The following TUT4 variants were observed in gnomAD, a reference collection of about 807,000 sequenced individuals.
TUT4 encodes the protein terminal uridylyltransferase 4.
In TUT4, 36 loss-of-function variants were observed where a neutral mutation model predicts 192.2. That is an observed-to-expected ratio of 0.19 (90% CI 0.14 to 0.25). The LOEUF is 0.25. Among genes scored for constraint, TUT4 ranks in the 10% least tolerant of loss-of-function variants. The pLI is 1.00. For synonymous variants in TUT4, 618 were observed against 666.0 expected, an observed-to-expected ratio of 0.93 and a Z score of 1.11; for missense variants, 1,493 against 1,957.2, an observed-to-expected ratio of 0.76 and a Z score of 4.47.
chr1:52,447,197 C>A (rs1166226392), intron 20 of TUT4, among the ~76,000 whole-genome samples: 1 of 151,964 alleles, frequency 6.6e-6, no homozygotes, highest in Non-Finnish European at 1.5e-5. Flanking sequence ...CGCCTGTAAT[C>A]CCAGCACTTT....
chr1:52,472,155 C>T, intron 13 of TUT4, 53 bp from the exon 14 acceptor site: 2 of 1,538,744 alleles, frequency 1.3e-6, no homozygotes, highest in Non-Finnish European at 1.8e-6. Context: ...GGGACTTCAT[C>T]ACTTAGGAAG....
intron 9 of TUT4, among the ~76,000 whole-genome samples, chr1:52,485,849 G>A (rs1029055910): frequency 1.3e-5 from 2 of 151,936 alleles, no homozygotes; most frequent in East Asian, 1.9e-4. Flanking sequence ...ATCTATATAC[G>A]ATTGGTCTAT....
intron 15 of TUT4, among the ~76,000 whole-genome samples, chr1:52,467,348 G>A (rs1046717375): frequency 1.3e-5 from 2 of 152,004 alleles, no homozygotes; most frequent in Non-Finnish European, 2.9e-5. Flanking sequence ...TACTCTTCCT[G>A]CTCTTTGCCA....
chr1:52,474,390 A>T (rs942382504), intron 13 of TUT4, among the ~76,000 whole-genome samples: 2 of 152,182 alleles, frequency 1.3e-5, no homozygotes, highest in Admixed American at 1.3e-4. Context: ...TAGTATGCTT[A>T]TATTTCCCCC....
intron 28 of TUT4, among the ~76,000 whole-genome samples, chr1:52,426,106 A>G (rs1005744355): frequency 6.6e-6 from 1 of 152,184 alleles, no homozygotes; most frequent in African/African-American, 2.4e-5. Context: ...TCCCAGAATC[A>G]ATTATATCTT....
chr1:52,443,752 G>A (rs1380154174), intron 24 of TUT4, among the ~76,000 whole-genome samples: 1 of 151,460 alleles, frequency 6.6e-6, no homozygotes, highest in East Asian at 2.0e-4. Flanking sequence ...ACAAGAGCAA[G>A]ACCCTGTATC....
chr1:52,441,444 A>AT (rs557710242), intron 24 of TUT4, among the ~76,000 whole-genome samples: 3,189 of 119,860 alleles, frequency 0.027, 116 homozygotes, highest in African/African-American at 0.088. Flanking sequence ...TCTCGGCTAA[A>AT]TTTTTTTTTT....
chr1:52,553,460 A>G (rs540329621), upstream of TUT4: 829 of 149,192 alleles, frequency 5.6e-3, 4 homozygotes, highest in South Asian at 0.019. Flanking sequence ...GGAGCGCGCG[A>G]GAGACACTCG....
intron 26 of TUT4, 57 bp from the exon 27 acceptor site, chr1:52,435,522 CAAT>C: frequency 7.5e-7 from 1 of 1,339,688 alleles, no homozygotes; most frequent in Admixed American, 1.8e-5. Context: ...AGAGAAATGA[CAAT>C]AAATAAACTC....
chr1:52,423,727 AAT>A lies in TUT4; in HGVS notation c.*206_*207del. 8.3e-7 allele frequency: 1 copy of A among 1,210,780 alleles called. No individual in the cohort carries two copies. Among genetic ancestry groups the A allele is most frequent in the Non-Finnish European group, 1.1e-6 (1 of 874,760 alleles). 75.0% of individuals were successfully genotyped at this position (1,210,780 alleles called of 1,614,324 possible). ...CTATAGTTCATATTTATATACAAAT[AAT>A]ACAGTCTGTAAAAACAGTCTTAGAA... On this transcript the variant is annotated 3_prime_UTR_variant, in exon 30 of 30. Transcript: ENST00000257177.
intron 15 of TUT4, among the ~76,000 whole-genome samples, chr1:52,467,878 C>T (rs1041586099): frequency 6.6e-6 from 1 of 152,094 alleles, no homozygotes; most frequent in Non-Finnish European, 1.5e-5. Flanking sequence ...CAGGATTCTC[C>T]TCAAATGCTA....
In TUT4 at chr1:52,496,936, T is replaced by A. The variant is rs183567939; in HGVS notation, c.1177+70A>T. ...AAGGGAAGAAAAACATTAAGAAATG[T>A]ACTCTAGTTCAAGAGGAGCAAGGGA... On this transcript the variant is annotated intron_variant, in intron 5 of 29. Transcript: ENST00000257177. 4.3e-6 allele frequency: 6 copies of A among 1,406,022 alleles called. No homozygotes were observed. The East Asian group carries it at 1.4e-4, about 33-fold the overall frequency. 87.1% of individuals were successfully genotyped at this position (1,406,022 alleles called of 1,614,324 possible).
chr1:52,530,038 T>TCG (rs1439521366), intron 1 of TUT4, among the ~76,000 whole-genome samples: 1 of 152,138 alleles, frequency 6.6e-6, no homozygotes, highest in Non-Finnish European at 1.5e-5. Flanking sequence ...AGACAGGATT[T>TCG]CGCTATCTCA....
At chr1:52,460,390 G>A (rs1325632150) in intron 19 of TUT4, among the ~76,000 whole-genome samples, 1 of 152,090 alleles carries the variant, frequency 6.6e-6, no homozygotes, top group African/African-American at 2.4e-5. Flanking sequence ...GCTGAGGCAG[G>A]AGAATCGCTT....
intron 28 of TUT4, among the ~76,000 whole-genome samples, chr1:52,428,231 T>C (rs1013623811): frequency 4.6e-5 from 7 of 152,198 alleles, no homozygotes; most frequent in Non-Finnish European, 7.3e-5. Context: ...CTCACGCCTG[T>C]AAATCCAGCA....
chr1:52,492,309 A>G (rs1390102134), intron 7 of TUT4, among the ~76,000 whole-genome samples: 2 of 152,196 alleles, frequency 1.3e-5, no homozygotes, highest in Admixed American at 1.3e-4. Context: ...AAAGAAATTT[A>G]GAATTCATAT....
chr1:52,455,061 A>G (rs533130120), intron 20 of TUT4, among the ~76,000 whole-genome samples: 52 of 152,250 alleles, frequency 3.4e-4, no homozygotes, highest in African/African-American at 1.2e-3. Context: ...AAGGCAGGCA[A>G]ATTACTTGAG....
chr1:52,446,074 C>T lies in TUT4; in HGVS notation c.3692-70G>A, dbSNP rs1029300649. 70 of 1,452,466 alleles carry T rather than the reference C, an allele frequency of 4.8e-5. No homozygotes were observed. The East Asian group carries it at 5.7e-4, about 12-fold the overall frequency. The allele number at this position is 1,452,466 out of a possible 1,614,324, so 90.0% of individuals were successfully genotyped here. A position where few individuals can be genotyped will look rare whatever the true frequency, so the allele number is the denominator to read the frequency against. ...CCATAAAAATATACTTAGAAGTCAC[C>T]GCTGAAGTCTAATACTTATATGTAC... is the stretch of plus-strand genomic sequence containing the variant. On this transcript the variant is annotated intron_variant, in intron 22 of 29. Transcript: ENST00000257177.
intron 19 of TUT4, among the ~76,000 whole-genome samples, chr1:52,459,267 C>A (rs1236327008): frequency 6.6e-6 from 1 of 150,682 alleles, no homozygotes; most frequent in African/African-American, 2.4e-5. Context: ...GCCTGGGCGA[C>A]AGAGCGAGAC....
Sources: allele counts gnomAD v4.1 joint callset (sites outside exome capture counted in the v4.1 genomes callset), GRCh38; gene constraint gnomAD v4.1.1; transcripts MANE v1.5; gene names NCBI Gene and HGNC (gene_info 2026-07-23, HGNC 2026-07-21).